The following TRPM1 variants were observed in gnomAD, a reference collection of about 807,000 sequenced individuals.
TRPM1 encodes TRPM1-203 APA Isoform, Intron 10.
In TRPM1, 113 loss-of-function variants were observed where a neutral mutation model predicts 149.4. The ratio of observed to expected loss-of-function variants is 0.76; its 90% CI spans 0.65 to 0.88. The LOEUF (loss-of-function observed/expected upper bound fraction) is 0.88, where lower values mean the gene tolerates loss of function less well. Ranked by LOEUF, TRPM1 falls within the 40% of genes least tolerant of loss-of-function variation. The pLI is 0.00. For missense variants in TRPM1, 1,976 were observed against 2,038.7 expected, an observed-to-expected ratio of 0.97 and a Z score of 0.59; for synonymous variants, 741 against 759.5, an observed-to-expected ratio of 0.98 and a Z score of 0.40.
At chr15:31,093,058 C>G (rs1362954665) in intron 1 of TRPM1, among the ~76,000 whole-genome samples, 1 of 151,924 alleles carries the variant, frequency 6.6e-6, no homozygotes, top group Non-Finnish European at 1.5e-5. Context: ...GTCAGGAGTT[C>G]GAGACCAGCC....
At chr15:31,141,688 G>A (rs566060616) in intron 1 of TRPM1, among the ~76,000 whole-genome samples, 1 of 152,286 alleles carries the variant, frequency 6.6e-6, no homozygotes, top group Non-Finnish European at 1.5e-5. Context: ...AGAATGATTG[G>A]TTATTGTAAT....
chr15:31,111,107 T>C (rs1266072788), intron 1 of TRPM1, among the ~76,000 whole-genome samples: 1 of 152,218 alleles, frequency 6.6e-6, no homozygotes, highest in Admixed American at 6.5e-5. Flanking sequence ...AGATAATCCA[T>C]TGTGTTACAG....
chr15:31,057,537 G>A (rs955102192), intron 11 of TRPM1, among the ~76,000 whole-genome samples: 1 of 152,128 alleles, frequency 6.6e-6, no homozygotes, highest in African/African-American at 2.4e-5. Context: ...TGAACTTAAA[G>A]TACAAAGTAT....
At chr15:31,117,990 G>T (rs1401023315) in intron 1 of TRPM1, among the ~76,000 whole-genome samples, 1 of 152,236 alleles carries the variant, frequency 6.6e-6, no homozygotes, top group Non-Finnish European at 1.5e-5. Flanking sequence ...GCTGGGCGCA[G>T]TGGCTCACGC....
intron 4 of TRPM1, chr15:31,069,691 C>T (rs2034477813): frequency 2.1e-6 from 3 of 1,418,154 alleles, no homozygotes; most frequent in Non-Finnish European, 2.7e-6. Flanking sequence ...TCTAAGGGGG[C>T]TGCAGGTCCA....
chr15:31,082,881 G>A (rs1463008610), intron 1 of TRPM1, among the ~76,000 whole-genome samples: 1 of 152,150 alleles, frequency 6.6e-6, no homozygotes, highest in Non-Finnish European at 1.5e-5. Context: ...TTCCCCTGAA[G>A]GGGAGCCCAG....
chr15:31,015,549 AGC>A (rs1357721773), intron 27 of TRPM1, among the ~76,000 whole-genome samples: 1 of 152,222 alleles, frequency 6.6e-6, no homozygotes, highest in Non-Finnish European at 1.5e-5. Context: ...CCAAAAAGAT[AGC>A]ACAGAAACAC....
chr15:31,028,747 C>T (rs2032915619), intron 24 of TRPM1, among the ~76,000 whole-genome samples: 1 of 150,974 alleles, frequency 6.6e-6, no homozygotes, highest in South Asian at 2.1e-4. Context: ...GCGAGACTCC[C>T]AGTTGTCTCA....
At chr15:31,061,063 G>A (rs778174789) in intron 10 of TRPM1, among the ~76,000 whole-genome samples, 7 of 152,174 alleles carry the variant, frequency 4.6e-5, no homozygotes, top group African/African-American at 1.4e-4. Flanking sequence ...GACCCTCCCC[G>A]CCCGGCCATG....
In TRPM1 at chr15:31,068,519, A is replaced by G. The variant is rs373796993; in HGVS notation, c.280-427T>C. Among the ~76,000 whole-genome samples the G allele has an allele frequency of 2.8e-4, 43 of 152,036 alleles. 1 individual carries two copies. Among genetic ancestry groups the G allele is most frequent in the Admixed American group, 6.5e-4 (10 of 15,274 alleles). ...CACTTTGGGAAGCCGAGGCAGGTGG[A>G]TCACTTGAGGTCAGGAGTTCGAGAC... is the stretch of plus-strand genomic sequence containing the variant. On this transcript the variant is annotated intron_variant, in intron 4 of 27. Coordinates refer to ENST00000256552, the MANE Select transcript of TRPM1 (RefSeq NM_001252024.2).
intron 1 of TRPM1, among the ~76,000 whole-genome samples, chr15:31,134,796 G>C (rs181175242): frequency 1.3e-4 from 20 of 152,366 alleles, no homozygotes; most frequent in Admixed American, 1.1e-3. Context: ...GTGGTCGGGA[G>C]TTTGAGACCA....
intron 1 of TRPM1, among the ~76,000 whole-genome samples, chr15:31,131,395 G>T (rs1235032453): frequency 2.6e-5 from 4 of 152,166 alleles, no homozygotes; most frequent in Non-Finnish European, 5.9e-5. Flanking sequence ...AGTTTGCTAA[G>T]ATCTACAGTA....
At chr15:31,125,394 T>C (rs925015917) in intron 1 of TRPM1, among the ~76,000 whole-genome samples, 24 of 152,124 alleles carry the variant, frequency 1.6e-4, no homozygotes, top group African/African-American at 5.6e-4. Flanking sequence ...CTCAATTTTC[T>C]GCAAACCTAA....
intron 27 of TRPM1, among the ~76,000 whole-genome samples, chr15:31,007,191 G>A (rs1322698147): frequency 6.6e-6 from 1 of 151,974 alleles, no homozygotes; most frequent in Non-Finnish European, 1.5e-5. Flanking sequence ...TGTATGTGTT[G>A]AGATCATTTT....
intron 7 of TRPM1, chr15:31,064,935 A>G (rs919001): frequency 0.58 from 257,132 of 445,544 alleles, 75,811 homozygotes; most frequent in East Asian, 0.83. Context: ...GCAAGGATTG[A>G]TATTTTCAAT....
In TRPM1 at chr15:31,070,205, G is replaced by T. The variant is rs1462740154; in HGVS notation, c.105C>A (p.Thr35=). 1 of 1,613,786 alleles carries T rather than the reference G, an allele frequency of 6.2e-7. No individual in the cohort carries two copies. Among genetic ancestry groups the T allele is most frequent in the Non-Finnish European group, 8.5e-7 (1 of 1,179,934 alleles). ...TTGGCAGAGGGGGGATATGCTGGTT[G>T]GTGAACTGGCCACAGCAACACCTGA... ...DSNRCCCGQF[T]NQHIPPLPSA... is the part of the protein sequence containing the mutation. Residue 35 remains threonine (T), a synonymous_variant, in exon 4 of 28, where the codon ACC becomes ACA. Coordinates refer to ENST00000256552, the MANE Select transcript of TRPM1 (RefSeq NM_001252024.2).
At chr15:31,077,780 G>C (rs996292314) in intron 2 of TRPM1, among the ~76,000 whole-genome samples, 49 of 151,950 alleles carry the variant, frequency 3.2e-4, no homozygotes, top group Non-Finnish European at 4.4e-5. Flanking sequence ...ATGGATGTGT[G>C]TTGTACGAGT....
chr15:31,104,369 C>A (rs765101278), upstream of TRPM1, among the ~76,000 whole-genome samples: 1 of 152,132 alleles, frequency 6.6e-6, no homozygotes, highest in African/African-American at 2.4e-5. Context: ...CTGAGATGAG[C>A]CAGCAATATT....
At chr15:31,043,484 G>A (rs1421917760) in intron 16 of TRPM1, among the ~76,000 whole-genome samples, 2 of 152,168 alleles carry the variant, frequency 1.3e-5, no homozygotes, top group African/African-American at 4.8e-5. Context: ...GAGCCACCAC[G>A]CCCGGCCACG....
Sources: gnomAD v4.1 joint callset for allele counts (sites outside exome capture counted in the v4.1 genomes callset) on GRCh38, gnomAD v4.1.1 for gene constraint, MANE v1.5 for transcripts, NCBI Gene and HGNC (gene_info 2026-07-23, HGNC 2026-07-21) for gene names.